SCAF4: variants seen among roughly 807,000 people sequenced by gnomAD.
The protein encoded by SCAF4 is SR-related CTD associated factor 4.
A neutral mutation model predicts 129.8 loss-of-function variants in SCAF4; 25 were observed. The ratio of observed to expected loss-of-function variants is 0.19; its 90% confidence interval spans 0.14 to 0.27. SCAF4 has a LOEUF of 0.27. SCAF4 is among the 10% of genes least tolerant of loss of function. SCAF4 has a pLI of 1.00. For missense variants in SCAF4, 1,246 were observed against 1,457.1 expected, an observed-to-expected ratio of 0.86 and a Z score of 2.36; for synonymous variants, 551 against 497.7, an observed-to-expected ratio of 1.11 and a Z score of -1.43.
chr21:31,681,613 C>G (rs1004013466), intron 19 of SCAF4, among the ~76,000 whole-genome samples: 1 of 152,174 alleles, frequency 6.6e-6, no homozygotes, highest in South Asian at 2.1e-4. Flanking sequence ...ATGAAACTAC[C>G]ACCACTGTAG....
At chr21:31,711,325 T>C (rs1401080036) in intron 1 of SCAF4, among the ~76,000 whole-genome samples, 2 of 152,250 alleles carry the variant, frequency 1.3e-5, no homozygotes, top group Non-Finnish European at 2.9e-5. Flanking sequence ...AAACGGTCTC[T>C]ACCTTTTGCA....
intron 9 of SCAF4, 79 bp downstream of exon 9, chr21:31,696,034 C>G: frequency 1.1e-6 from 1 of 897,522 alleles, no homozygotes; most frequent in Non-Finnish European, 1.7e-6. Context: ...TACATAGCTG[C>G]AGAGTGCTCT....
intron 1 of SCAF4, among the ~76,000 whole-genome samples, chr21:31,708,321 A>G (rs2050717977): frequency 6.6e-6 from 1 of 152,040 alleles, no homozygotes; most frequent in Admixed American, 6.5e-5. Context: ...CAGAGGTTGC[A>G]GTAAGCCAAG....
At chr21:31,713,110 CCTTA>C (rs1217694557) in intron 1 of SCAF4, among the ~76,000 whole-genome samples, 4 of 152,270 alleles carry the variant, frequency 2.6e-5, no homozygotes, top group African/African-American at 7.2e-5. Flanking sequence ...ATTACTGAGT[CCTTA>C]CTTGTGTCTA....
In SCAF4 at chr21:31,685,287, T is replaced by C. The variant is rs1393385574; in HGVS notation, c.2297-47A>G. 4.6e-6 allele frequency: 7 copies of C among 1,512,244 alleles called. No individual in the cohort carries two copies. Among genetic ancestry groups the C allele is most frequent in the Non-Finnish European group, 6.4e-6 (7 of 1,092,546 alleles). The allele number at this position is 1,512,244 out of a possible 1,614,324, so 93.7% of individuals were successfully genotyped here. A position where few individuals can be genotyped will look rare whatever the true frequency, so the allele number is the denominator to read the frequency against. On this transcript the variant is annotated intron_variant, in intron 18 of 19. Coordinates refer to ENST00000286835, the MANE Select transcript of SCAF4 (RefSeq NM_020706.2). The stretch of plus-strand genomic sequence containing the variant: ...ACATGTGAAGCTGAATAATTAATTA[T>C]CTCCCGGTCAACATTCTTATGCCAT...
At chr21:31,673,225 G>T (rs1160798239) in intron 19 of SCAF4, among the ~76,000 whole-genome samples, 2 of 152,004 alleles carry the variant, frequency 1.3e-5, no homozygotes, top group Non-Finnish European at 2.9e-5. Flanking sequence ...TCTGCTTGGG[G>T]TTCACCACTT....
intron 1 of SCAF4, among the ~76,000 whole-genome samples, chr21:31,711,799 T>C (rs1011325354): frequency 6.6e-6 from 1 of 151,774 alleles, no homozygotes; most frequent in Admixed American, 6.6e-5. Context: ...TTATGAGGAG[T>C]TGAACCCAAG....
intron 11 of SCAF4, 41 bp from the exon 12 acceptor site, chr21:31,693,525 CAA>C (rs1258548772): frequency 7.7e-7 from 1 of 1,301,612 alleles, no homozygotes; most frequent in Non-Finnish European, 1.0e-6. Flanking sequence ...AGCATATAGA[CAA>C]AAACCAGAAA....
rs941171864 is a variant in SCAF4, at chr21:31,731,837, T to C, written c.-145A>G. The C allele has an allele frequency of 3.8e-5, 36 of 941,942 alleles. No homozygotes were observed. Among genetic ancestry groups the C allele is most frequent in the Middle Eastern group, 3.1e-4 (1 of 3,276 alleles). 58.3% of individuals were successfully genotyped at this position (941,942 alleles called of 1,614,324 possible). ...GTCCGAGGCCCGGGCAGGAAGAGGCTGCGCCCGAAGCGGCGAGGCGGGCGG... is the reference window on the plus strand; with the variant it reads ...GTCCGAGGCCCGGGCAGGAAGAGGCCGCGCCCGAAGCGGCGAGGCGGGCGG... On this transcript the variant is annotated 5_prime_UTR_variant, in exon 1 of 20. Coordinates refer to ENST00000286835, the MANE Select transcript of SCAF4 (RefSeq NM_020706.2).
chr21:31,694,319 G>A (rs1276286811), intron 10 of SCAF4, 30 bp from the exon 11 acceptor site: 1 of 1,385,352 alleles, frequency 7.2e-7, no homozygotes, highest in East Asian at 2.3e-5. Context: ...GATAAAATGA[G>A]AAATTTAAAA....
intron 7 of SCAF4, among the ~76,000 whole-genome samples, chr21:31,699,502 G>A (rs867691611): frequency 4.4e-4 from 59 of 133,960 alleles, no homozygotes; most frequent in African/African-American, 1.7e-3. Flanking sequence ...TGTATTATTT[G>A]TTTTTTTTTT....
At chr21:31,700,388 G>C (rs1425997311) in intron 7 of SCAF4, among the ~76,000 whole-genome samples, 1 of 152,030 alleles carries the variant, frequency 6.6e-6, no homozygotes, top group Non-Finnish European at 1.5e-5. Flanking sequence ...CTACAGGTGT[G>C]AGCCACCACA....
At position 31,694,973 on chromosome 21, in the gene SCAF4, A is replaced by G; in HGVS notation, c.1076T>C (p.Leu359Pro). Residue 359 changes from leucine to proline, a missense_variant, in exon 10 of 20, where the codon CTT becomes CCT. Transcript: ENST00000286835. ...TCCTGGCATTTGTCCATTAGGAGGA[A>G]GTGGAACCTTTCATTTTTAAAGAAA... The part of the protein sequence containing the change: ...QQDPMHHQVP[L>P]PPNGQMPGFG... 1.2e-6 allele frequency: 2 copies of G among 1,612,960 alleles called. No homozygotes were observed. Among genetic ancestry groups the G allele is most frequent in the Non-Finnish European group, 1.7e-6 (2 of 1,179,462 alleles).
intron 16 of SCAF4, among the ~76,000 whole-genome samples, chr21:31,686,258 C>T (rs16988435): frequency 0.074 from 11,184 of 150,218 alleles, 600 homozygotes; most frequent in African/African-American, 0.15. Flanking sequence ...ATCAAAGTTG[C>T]GCTCTTCACT....
intron 1 of SCAF4, among the ~76,000 whole-genome samples, chr21:31,728,744 C>A (rs373754828): frequency 6.6e-6 from 1 of 152,068 alleles, no homozygotes; most frequent in East Asian, 1.9e-4. Flanking sequence ...ATCTGAACTC[C>A]TGGATGTCTC....
intron 16 of SCAF4, among the ~76,000 whole-genome samples, chr21:31,686,786 G>A (rs1467579914): frequency 6.6e-6 from 1 of 152,160 alleles, no homozygotes; most frequent in Non-Finnish European, 1.5e-5. Context: ...GCACATGTCA[G>A]GGATCTAGCT....
At chr21:31,677,502 T>C (rs2049888326) in intron 19 of SCAF4, among the ~76,000 whole-genome samples, 1 of 152,186 alleles carries the variant, frequency 6.6e-6, no homozygotes, top group Non-Finnish European at 1.5e-5. Flanking sequence ...CTCACAACCC[T>C]ATGTAACTGG....
chr21:31,726,552 C>G (rs141403326), intron 1 of SCAF4, among the ~76,000 whole-genome samples: 1 of 152,136 alleles, frequency 6.6e-6, no homozygotes, highest in Non-Finnish European at 1.5e-5. Flanking sequence ...GTGGTCCCAG[C>G]TACTTGGGAG....
intron 1 of SCAF4, among the ~76,000 whole-genome samples, chr21:31,726,635 A>T (rs1475394408): frequency 6.6e-6 from 1 of 152,210 alleles, no homozygotes; most frequent in East Asian, 1.9e-4. Flanking sequence ...ACTGCCCTCT[A>T]GTCTGGGCCA....
Sources: allele counts gnomAD v4.1 joint callset (sites outside exome capture counted in the v4.1 genomes callset), GRCh38; gene constraint gnomAD v4.1.1; transcripts MANE v1.5; gene names NCBI Gene and HGNC (gene_info 2026-07-23, HGNC 2026-07-21).